Variants in IPO11 observed in about 807,000 individuals in gnomAD.
IPO11 encodes importin-11.
IPO11 carries 66 observed loss-of-function variants against 143.2 expected under a neutral mutation model. The ratio of observed to expected loss-of-function variants is 0.46; its 90% CI spans 0.38 to 0.57. The LOEUF is 0.57. IPO11 is among the 20% of genes least tolerant of loss of function. The pLI, the probability that IPO11 is intolerant of heterozygous loss-of-function variation, is 0.00. For missense variants in IPO11, 1,026 were observed against 1,141.0 expected (o/e 0.90, Z 1.45); for synonymous variants, 385 against 377.8 (o/e 1.02, Z -0.22).
chr5:62,424,643 G>A (rs1276141129), intron 1 of IPO11, among the ~76,000 whole-genome samples: 3 of 150,284 alleles, frequency 2.0e-5, no homozygotes, highest in East Asian at 2.0e-4. Context: ...CATGTTGCCC[G>A]GACTGCCAGG....
Position 62,412,771 on chromosome 5 carries a change from G to C in IPO11, c.-165G>C, listed in dbSNP as rs773336038. ...AGTTTTCGCGCGTCCGCGTCGTTTG[G>C]AGCTGCGACGCCAAACATGGCGTGT... On this transcript the variant is annotated 5_prime_UTR_variant, in exon 1 of 30. Coordinates refer to ENST00000325324, the MANE Select transcript of IPO11 (RefSeq NM_016338.5). The C allele has an allele frequency of 1.3e-5, 2 of 152,754 alleles. No individual in the cohort carries two copies. Among genetic ancestry groups the C allele is most frequent in the Non-Finnish European group, 2.9e-5 (2 of 68,070 alleles). 9.5% of individuals were successfully genotyped at this position (152,754 alleles called of 1,614,324 possible). A position where few individuals can be genotyped will look rare whatever the true frequency, so the allele number is the denominator to read the frequency against.
chr5:62,464,380 C>T (rs1745496701), intron 5 of IPO11, among the ~76,000 whole-genome samples: 1 of 151,906 alleles, frequency 6.6e-6, no homozygotes. Flanking sequence ...ACCTTGTGAT[C>T]CTCCTGCCTT....
intron 11 of IPO11, among the ~76,000 whole-genome samples, chr5:62,484,794 G>A (rs1746336484): frequency 6.6e-6 from 1 of 151,468 alleles, no homozygotes; most frequent in Non-Finnish European, 1.5e-5. Context: ...TTTTAAGAGT[G>A]CCCAAAAGTT....
rs1017490164 is a variant in IPO11 at position 62,579,740 on chromosome 5, CA to C, written c.2583-11833del. On this transcript the variant is annotated intron_variant, in intron 27 of 29. Transcript: ENST00000325324. Reference sequence around the variant, plus strand: ...AATTCTAACATTCTGTATGTATATCCAAAAGCCTTTGTTCAATTGAGGCATC... The same window carrying C: ...AATTCTAACATTCTGTATGTATATCCAAAGCCTTTGTTCAATTGAGGCATC... 5 of 1,547,432 alleles carry C rather than the reference CA, an allele frequency of 3.2e-6. No individual in the cohort carries two copies. The African/African-American group carries it at 4.1e-5, about 13-fold the overall frequency.
Position 62,453,379 on chromosome 5 carries a change from TC to T in IPO11, c.516+1448del, listed in dbSNP as rs201646794. Reference sequence around the variant, plus strand: ...ATTCTTAAAGAAAGAGATAGCCTAGTCCTATAATGTGGAAAGGAGTCAGTGA... The same window carrying T: ...ATTCTTAAAGAAAGAGATAGCCTAGTCTATAATGTGGAAAGGAGTCAGTGA... On this transcript the variant is annotated intron_variant, in intron 5 of 29. Transcript: ENST00000325324. Among the ~76,000 whole-genome samples the T allele has an allele frequency of 7.7e-3, 1,159 of 151,246 alleles. 83 individuals are homozygous for T. The highest frequency in any genetic ancestry group is 0.027 in the African/African-American group (1,092 of 40,564).
At chr5:62,435,126 G>T (rs187620) in intron 1 of IPO11, among the ~76,000 whole-genome samples, 4 of 73,516 alleles carry the variant, frequency 5.4e-5, no homozygotes, top group Admixed American at 1.3e-4. Context: ...ATGTATATAT[G>T]TATATATATG....
intron 12 of IPO11, 116 bp from the exon 13 acceptor site, chr5:62,487,655 G>T (rs1401801757): frequency 2.8e-6 from 3 of 1,090,376 alleles, no homozygotes; most frequent in East Asian, 3.3e-5. Context: ...CAAATCAAAA[G>T]TTGGAAACAT....
At chr5:62,555,453 C>T (rs181066446) in intron 26 of IPO11, among the ~76,000 whole-genome samples, 1 of 151,630 alleles carries the variant, frequency 6.6e-6, no homozygotes, top group Non-Finnish European at 1.5e-5. Context: ...GCTGTGACTA[C>T]AGATGCGTGC....
At position 62,451,988 on chromosome 5, in the gene IPO11, G is replaced by C. The variant is rs919608419; in HGVS notation, c.516+55G>C. 4.2e-6 allele frequency: 6 copies of C among 1,417,916 alleles called. No homozygotes were observed. The African/African-American group carries it at 7.0e-5, about 17-fold the overall frequency. The allele number at this position is 1,417,916 out of a possible 1,614,324, so 87.8% of individuals were successfully genotyped here. A position where few individuals can be genotyped will look rare whatever the true frequency, so the allele number is the denominator to read the frequency against. On this transcript the variant is annotated intron_variant, in intron 5 of 29. Transcript: ENST00000325324. The stretch of plus-strand genomic sequence containing the variant: ...TATGAAAATTGTGCGGCCGGGCGTG[G>C]TGGCTTATGCCTGTAATCTCAGCAC...
intron 1 of IPO11, among the ~76,000 whole-genome samples, chr5:62,433,764 G>A (rs546098654): frequency 1.3e-5 from 2 of 152,296 alleles, no homozygotes; most frequent in African/African-American, 4.8e-5. Flanking sequence ...AAAATGGTGA[G>A]GGTAAGGATT....
At chr5:62,550,244 A>C in intron 24 of IPO11, 123 bp from the exon 25 acceptor site, 1 of 633,880 alleles carries the variant, frequency 1.6e-6, no homozygotes, top group South Asian at 2.0e-5. Flanking sequence ...CATACCCTGC[A>C]TACGTGTATG....
In IPO11 at chr5:62,412,820, A is replaced by T. The variant is rs992184158; in HGVS notation, c.-116A>T. 6.5e-6 allele frequency: 1 copy of T among 152,732 alleles called. No individual in the cohort carries two copies. Among genetic ancestry groups the T allele is most frequent in the South Asian group, 2.1e-4 (1 of 4,840 alleles). 9.5% of individuals were successfully genotyped at this position (152,732 alleles called of 1,614,324 possible). ...GTTCCTAGAAGCCGCTTTCGGCATC[A>T]GTAGGCGGCGGCGTGGGGTCTGGCA... On this transcript the variant is annotated 5_prime_UTR_variant, in exon 1 of 30. Transcript: ENST00000325324.
intron 1 of IPO11, among the ~76,000 whole-genome samples, chr5:62,425,569 C>A (rs763073182): frequency 8.5e-5 from 13 of 152,112 alleles, no homozygotes; most frequent in African/African-American, 2.9e-4. Flanking sequence ...CCACCCGCCC[C>A]GGCCTCCTAA....
chr5:62,433,621 G>A (rs1018664895), intron 1 of IPO11, among the ~76,000 whole-genome samples: 9 of 152,192 alleles, frequency 5.9e-5, no homozygotes, highest in Non-Finnish European at 1.2e-4. Context: ...AAAAATGTAT[G>A]AACTGAGCTC....
chr5:62,415,925 C>G (rs528210037), intron 1 of IPO11, among the ~76,000 whole-genome samples: 1 of 152,124 alleles, frequency 6.6e-6, no homozygotes, highest in South Asian at 2.1e-4. Flanking sequence ...TTTCTCCTTA[C>G]GGGCAATATT....
chr5:62,603,032 TAACATCATTGATAGTTTCTTGGAAAC>T, intron 29 of IPO11, among the ~76,000 whole-genome samples: 3 of 152,202 alleles, frequency 2.0e-5, no homozygotes, highest in Non-Finnish European at 4.4e-5. Context: ...AGTCCTCATT[TAACATCATTGATAGTTTCTTGGAAAC>T]TGTAACTTGA....
intron 1 of IPO11, among the ~76,000 whole-genome samples, chr5:62,427,219 C>T (rs1281717597): frequency 6.6e-6 from 1 of 151,914 alleles, no homozygotes; most frequent in Non-Finnish European, 1.5e-5. Context: ...GGATTACACA[C>T]GTGAGCCACC....
At chr5:62,624,111 C>G (rs1356561726) in intron 29 of IPO11, among the ~76,000 whole-genome samples, 1 of 151,914 alleles carries the variant, frequency 6.6e-6, no homozygotes, top group African/African-American at 2.4e-5. Flanking sequence ...CTCAGCTCAC[C>G]ACAACCTCCA....
At chr5:62,566,312 A>T (rs2112375149) in intron 27 of IPO11, among the ~76,000 whole-genome samples, 1 of 152,198 alleles carries the variant, frequency 6.6e-6, no homozygotes, top group South Asian at 2.1e-4. Context: ...CTTTTTAATA[A>T]TCGCCATTCT....
Sources: allele counts gnomAD v4.1 joint callset (sites outside exome capture counted in the v4.1 genomes callset), GRCh38; gene constraint gnomAD v4.1.1; transcripts MANE v1.5; gene names NCBI Gene and HGNC (gene_info 2026-07-23, HGNC 2026-07-21).